TAX1BP3: variants seen among roughly 807,000 people sequenced by gnomAD.
TAX1BP3 encodes the protein tax1-binding protein 3.
TAX1BP3 carries 13 observed loss-of-function variants against 15.3 expected under a neutral mutation model. The ratio of observed to expected loss-of-function variants is 0.85; its 90% CI spans 0.55 to 1.35. The LOEUF (loss-of-function observed/expected upper bound fraction) is 1.35, where lower values mean the gene tolerates loss of function less well. TAX1BP3 is among the 40% of genes most tolerant of loss of function. The pLI is 0.00. For synonymous variants in TAX1BP3, 70 were observed against 66.0 expected, an observed-to-expected ratio of 1.06 and a Z score of -0.30; for missense variants, 147 against 169.6, an observed-to-expected ratio of 0.87 and a Z score of 0.74.
intron 2 of TAX1BP3, 103 bp downstream of exon 2, chr17:3,664,576 A>C (rs1178614879): frequency 6.8e-7 from 1 of 1,477,624 alleles, no homozygotes; most frequent in East Asian, 2.3e-5. Flanking sequence ...GCATGGTTTG[A>C]GAGATGAAGT....
intron 1 of TAX1BP3, among the ~76,000 whole-genome samples, chr17:3,667,110 G>A (rs1197212238): frequency 6.6e-6 from 1 of 152,154 alleles, no homozygotes; most frequent in Non-Finnish European, 1.5e-5. Flanking sequence ...TTGGGAGGCT[G>A]AGGCAGGTGG....
chr17:3,664,471 C>T, intron 2 of TAX1BP3, 199 bp from the exon 3 acceptor site: 1 of 930,404 alleles, frequency 1.1e-6, no homozygotes, highest in Non-Finnish European at 1.7e-6. Flanking sequence ...CTGCTGATGG[C>T]CGCCTCCTGC....
chr17:3,664,157 C>T, intron 3 of TAX1BP3, 38 bp downstream of exon 3: 1 of 1,613,260 alleles, frequency 6.2e-7, no homozygotes, highest in African/African-American at 1.3e-5. Context: ...GACCTGCTTG[C>T]CCAAACCTTG....
intron 1 of TAX1BP3, among the ~76,000 whole-genome samples, chr17:3,666,871 TGCTCTGCCG>T (rs1468800332): frequency 6.6e-6 from 1 of 152,192 alleles, no homozygotes; most frequent in Admixed American, 6.5e-5. Flanking sequence ...CCTCCAGGCC[TGCTCTGCCG>T]GCACGGTCAG....
chr17:3,666,107 A>G (rs1191468784), intron 1 of TAX1BP3, among the ~76,000 whole-genome samples: 2 of 152,248 alleles, frequency 1.3e-5, no homozygotes, highest in African/African-American at 4.8e-5. Context: ...GCCAGACCAG[A>G]TCACTCCCAA....
rs768702242 is a variant in TAX1BP3 at position 3,663,870 on chromosome 17, T to C, written c.253A>G (p.Met85Val). The C allele has an allele frequency of 1.1e-5, 18 of 1,608,554 alleles. No homozygotes were observed. Among genetic ancestry groups the C allele is most frequent in the Non-Finnish European group, 1.5e-5 (18 of 1,179,772 alleles). ...DKIMQVNGWD[M>V]TMVTHDQARK... ...GCCTGGTCGTGTGTGACCATGGTCA[T>C]GTCCCAGCCGTTCACCTGGCCCCAG... The change falls in exon 4 of 4, where the codon ATG (methionine) becomes GTG (valine). Residue 85 changes from methionine to valine, a missense_variant. Physicochemically the swap from Met to Val is conservative, Grantham distance 21. Transcript: ENST00000225525.
intron 2 of TAX1BP3, 187 bp downstream of exon 2, chr17:3,664,492 C>A: frequency 1.0e-6 from 1 of 980,772 alleles, no homozygotes. Flanking sequence ...TCCTCCTGGG[C>A]TCTGTCTGAG....
At chr17:3,664,383 C>T (rs2076315460) in intron 2 of TAX1BP3, 111 bp from the exon 3 acceptor site, 1 of 1,277,218 alleles carries the variant, frequency 7.8e-7, no homozygotes, top group Non-Finnish European at 1.1e-6. Context: ...CTGCACCCAG[C>T]CTCTCCCAGC....
intron 1 of TAX1BP3, among the ~76,000 whole-genome samples, chr17:3,667,291 C>T (rs566913280): frequency 4.0e-5 from 6 of 148,882 alleles, no homozygotes; most frequent in Admixed American, 2.0e-4. Flanking sequence ...TGCAATGAAC[C>T]GAGATCGCGC....
At chr17:3,665,742 C>CAGGGGAAAAAA in intron 1 of TAX1BP3, 1 of 140,596 alleles carries the variant, frequency 7.1e-6, no homozygotes, top group Non-Finnish European at 1.3e-5. Context: ...CTCTGGGCTC[C>CAGGGGAAAAAA]AAAAAAAAAA....
In TAX1BP3 at chr17:3,663,683, A is replaced by T. The variant is rs1280898478; in HGVS notation, c.*65T>A. On this transcript the variant is annotated 3_prime_UTR_variant, in exon 4 of 4. Coordinates refer to ENST00000225525, the MANE Select transcript of TAX1BP3 (RefSeq NM_014604.4). ...CGGTCAGCAGAAGCCAGATGGGGAC[A>T]GAGTGTGGAAGTGGCGTTACTGTAC... is the stretch of plus-strand genomic sequence containing the variant. The T allele has an allele frequency of 1.3e-6, 2 of 1,547,120 alleles. No individual in the cohort carries two copies. Among genetic ancestry groups the T allele is most frequent in the African/African-American group, 1.3e-5 (1 of 74,294 alleles).
intron 2 of TAX1BP3, 56 bp from the exon 3 acceptor site, chr17:3,664,328 C>T (rs2076314682): frequency 6.2e-7 from 1 of 1,600,988 alleles, no homozygotes; most frequent in South Asian, 1.1e-5. Context: ...CCCCTTATCA[C>T]ACAGCGGAAG....
intron 2 of TAX1BP3, 31 bp from the exon 3 acceptor site, chr17:3,664,303 T>C: frequency 6.2e-7 from 1 of 1,613,282 alleles, no homozygotes; most frequent in Non-Finnish European, 8.5e-7. Flanking sequence ...TCAAGCCCTG[T>C]GGTCACTGGA....
At chr17:3,664,053 C>T (rs544631202) in intron 3 of TAX1BP3, 142 bp downstream of exon 3, 17 of 1,425,216 alleles carry the variant, frequency 1.2e-5, no homozygotes, top group African/African-American at 2.8e-5. Context: ...AAGCCAGCGT[C>T]CTCTGGGGCA....
Position 3,663,047 on chromosome 17 carries a change from A to T in TAX1BP3, c.*701T>A, listed in dbSNP as rs1234378600. The T allele has an allele frequency of 3.9e-5, 6 of 152,270 alleles. No individual in the cohort carries two copies. The highest frequency in any genetic ancestry group is 1.4e-4 in the African/African-American group (6 of 41,470). The allele number at this position is 152,270 out of a possible 1,614,324, so 9.4% of individuals were successfully genotyped here. On this transcript the variant is annotated 3_prime_UTR_variant, in exon 4 of 4. Coordinates refer to ENST00000225525, the MANE Select transcript of TAX1BP3 (RefSeq NM_014604.4). ...AGTAGAATGGGCATCTCCAAAGAGTACGATAAAAACATTTTGTATCAAACT... is the reference window on the plus strand; with the variant it reads ...AGTAGAATGGGCATCTCCAAAGAGTTCGATAAAAACATTTTGTATCAAACT...
At chr17:3,664,429 G>A in intron 2 of TAX1BP3, 157 bp from the exon 3 acceptor site, 1 of 1,011,686 alleles carries the variant, frequency 9.9e-7, no homozygotes, top group Non-Finnish European at 1.5e-6. Flanking sequence ...GAGAGAGCCG[G>A]GGCAGAGTTG....
chr17:3,664,580 A>T (rs2076318498), intron 2 of TAX1BP3, 99 bp downstream of exon 2: 2 of 1,492,186 alleles, frequency 1.3e-6, no homozygotes, highest in Admixed American at 3.4e-5. Flanking sequence ...GGTTTGAGAG[A>T]TGAAGTCTGT....
At chr17:3,666,109 C>T (rs1851374568) in intron 1 of TAX1BP3, among the ~76,000 whole-genome samples, 1 of 152,244 alleles carries the variant, frequency 6.6e-6, no homozygotes, top group African/African-American at 2.4e-5. Context: ...CAGACCAGAT[C>T]ACTCCCAAAG....
Position 3,668,566 on chromosome 17 carries a change from C to T in TAX1BP3, c.-40G>A, listed in dbSNP as rs1597679996. ...GGTCGCCCAGCGCCGCTCCGAGAAG[C>T]CGGCAGCAGAGTACCCGCGGTCGCG... is the stretch of plus-strand genomic sequence containing the variant. On this transcript the variant is annotated 5_prime_UTR_variant, in exon 1 of 4. Transcript: ENST00000225525. This position sits in a 1 kb window ranked among gnomAD's most constrained non-coding sequence, Gnocchi z 4.1. 6.3e-7 allele frequency: 1 copy of T among 1,579,646 alleles called. No individual in the cohort carries two copies.
Sources: gnomAD v4.1 joint callset for allele counts (sites outside exome capture counted in the v4.1 genomes callset) on GRCh38, gnomAD v4.1.1 for gene constraint, Gnocchi (gnomAD v3.1) non-coding constraint, MANE v1.5 for transcripts, NCBI Gene and HGNC (gene_info 2026-07-23, HGNC 2026-07-21) for gene names.